The following ARHGAP15 variants were observed in gnomAD, a reference collection of about 807,000 sequenced individuals.
ARHGAP15 encodes rho GTPase-activating protein 15.
ARHGAP15 carries 51 observed loss-of-function variants against 63.7 expected under a neutral mutation model. The observed-to-expected ratio is 0.80, with a 90% CI of 0.64 to 1.01. The LOEUF (loss-of-function observed/expected upper bound fraction) is 1.01, where lower values mean the gene tolerates loss of function less well. Ranked by LOEUF, ARHGAP15 falls within the 50% of genes least tolerant of loss-of-function variation. The pLI is 0.00. For synonymous variants in ARHGAP15, 191 were observed against 193.8 expected, an observed-to-expected ratio of 0.99 and a Z score of 0.12; for missense variants, 560 against 564.6, an observed-to-expected ratio of 0.99 and a Z score of 0.08.
intron 13 of ARHGAP15, among the ~76,000 whole-genome samples, chr2:143,734,917 C>G (rs542930437): frequency 1.4e-4 from 21 of 152,288 alleles, no homozygotes; most frequent in African/African-American, 4.8e-4. Context: ...AATATTCTGA[C>G]TTTATCTGAA....
At chr2:143,683,997 T>A (rs1050177534) in intron 12 of ARHGAP15, among the ~76,000 whole-genome samples, 5 of 152,198 alleles carry the variant, frequency 3.3e-5, no homozygotes, top group Non-Finnish European at 7.4e-5. Context: ...CATTATTTTA[T>A]TATATTGAAG....
intron 13 of ARHGAP15, among the ~76,000 whole-genome samples, chr2:143,721,983 G>A (rs553476053): frequency 1.3e-4 from 20 of 151,520 alleles, no homozygotes; most frequent in East Asian, 9.9e-4. Flanking sequence ...TTAAACTTAT[G>A]TTATGCAAAC....
chr2:143,152,663 C>G (rs1689871595), intron 1 of ARHGAP15, among the ~76,000 whole-genome samples: 1 of 151,930 alleles, frequency 6.6e-6, no homozygotes, highest in Admixed American at 6.6e-5. Context: ...TTTTCTCTAT[C>G]TTCCCAGAGC....
intron 6 of ARHGAP15, among the ~76,000 whole-genome samples, chr2:143,401,421 A>C (rs894866602): frequency 6.6e-6 from 1 of 152,050 alleles, no homozygotes; most frequent in Non-Finnish European, 1.5e-5. Context: ...TTGAAAGGAC[A>C]TCATTCCATG....
At chr2:143,438,684 A>G (rs746766218) in intron 8 of ARHGAP15, among the ~76,000 whole-genome samples, 26 of 152,200 alleles carry the variant, frequency 1.7e-4, no homozygotes, top group Non-Finnish European at 3.1e-4. Context: ...GTTTAGAGGT[A>G]TTTCATTTAA....
chr2:143,451,395 C>G (rs967037539), intron 8 of ARHGAP15, among the ~76,000 whole-genome samples: 1 of 151,792 alleles, frequency 6.6e-6, no homozygotes, highest in Admixed American at 6.6e-5. Context: ...GAAAGTAGCA[C>G]TTCAAGAAGA....
intron 11 of ARHGAP15, among the ~76,000 whole-genome samples, chr2:143,587,286 G>A (rs182047853): frequency 3.9e-5 from 6 of 152,174 alleles, no homozygotes; most frequent in African/African-American, 9.6e-5. Context: ...TGCAGACTTC[G>A]ATTTCTATTT....
At chr2:143,548,664 AT>A (rs943901776) in intron 10 of ARHGAP15, among the ~76,000 whole-genome samples, 2 of 151,980 alleles carry the variant, frequency 1.3e-5, no homozygotes, top group African/African-American at 2.4e-5. Flanking sequence ...AATTAAATAC[AT>A]TTTTTTCAGA....
rs1197458274 is a variant in ARHGAP15, at chr2:143,202,196, AC to A, written c.229del (p.Gln77AsnfsTer2). 32 of 1,610,402 alleles carry A rather than the reference AC, an allele frequency of 2.0e-5. No individual in the cohort carries two copies. Among genetic ancestry groups the A allele is most frequent in the Non-Finnish European group, 2.7e-5 (32 of 1,177,062 alleles). On this transcript the variant is annotated frameshift_variant, in exon 3 of 14. Transcript: ENST00000295095. LOFTEE classifies it high-confidence loss of function. ...ILKDVIPPLE[Q>X]LMVEKEGYLQ... ...TGAAAGATGTCATTCCTCCATTGGAACAACTGGTGAGTGTTTAAGTCATTAT... is the reference window on the plus strand; with the variant it reads ...TGAAAGATGTCATTCCTCCATTGGAAAACTGGTGAGTGTTTAAGTCATTAT...
chr2:143,531,723 C>G (rs1388825674), intron 10 of ARHGAP15, among the ~76,000 whole-genome samples: 1 of 152,108 alleles, frequency 6.6e-6, no homozygotes, highest in East Asian at 1.9e-4. Context: ...ATGAGGAAAA[C>G]AAAGATGACA....
intron 12 of ARHGAP15, among the ~76,000 whole-genome samples, chr2:143,689,209 T>C (rs572776282): frequency 1.7e-4 from 26 of 152,194 alleles, no homozygotes; most frequent in Non-Finnish European, 3.2e-4. Context: ...TGAACTTCAG[T>C]GCAAAATTTA....
At chr2:143,518,354 A>G (rs939189919) in intron 9 of ARHGAP15, among the ~76,000 whole-genome samples, 1 of 152,200 alleles carries the variant, frequency 6.6e-6, no homozygotes, top group African/African-American at 2.4e-5. Context: ...AGCGTCAATC[A>G]TGTTCCAAAT....
intron 13 of ARHGAP15, among the ~76,000 whole-genome samples, chr2:143,751,083 G>A (rs114460790): frequency 0.013 from 1,910 of 152,232 alleles, 23 homozygotes; most frequent in Middle Eastern, 0.051. Context: ...TTAACATGGC[G>A]CCAGTTACCT....
chr2:143,425,088 A>G (rs1689086019), intron 6 of ARHGAP15, among the ~76,000 whole-genome samples: 10 of 152,142 alleles, frequency 6.6e-5, no homozygotes, highest in Admixed American at 6.5e-4. Context: ...TGCTACCAAT[A>G]CATTTTTTAA....
At chr2:143,331,685 TA>T (rs780848433) in intron 6 of ARHGAP15, among the ~76,000 whole-genome samples, 20 of 152,278 alleles carry the variant, frequency 1.3e-4, no homozygotes, top group Admixed American at 6.5e-4. Flanking sequence ...AAAGTGCTCT[TA>T]AGAGGTACAT....
intron 13 of ARHGAP15, chr2:143,706,652 G>A (rs956728981): frequency 2.0e-5 from 3 of 152,150 alleles, no homozygotes; most frequent in African/African-American, 7.2e-5. Context: ...TTAAGCATAA[G>A]GTTGCACAAT....
chr2:143,354,077 A>G (rs1398125100), intron 6 of ARHGAP15, among the ~76,000 whole-genome samples: 1 of 151,970 alleles, frequency 6.6e-6, no homozygotes, highest in Non-Finnish European at 1.5e-5. Context: ...TTCCTTCCTG[A>G]TAAATGGATT....
intron 9 of ARHGAP15, among the ~76,000 whole-genome samples, chr2:143,495,705 ATTGAG>A (rs144658012): frequency 0.3 from 45,069 of 152,014 alleles, 7,559 homozygotes; most frequent in Non-Finnish European, 0.38. Flanking sequence ...TAGCAACATC[ATTGAG>A]TTAAGAGAAA....
intron 10 of ARHGAP15, among the ~76,000 whole-genome samples, chr2:143,536,282 G>C (rs188478799): frequency 1.3e-5 from 2 of 152,078 alleles, no homozygotes; most frequent in African/African-American, 2.4e-5. Flanking sequence ...AATTCCACAT[G>C]TGAGTGAGAT....
Sources: allele counts gnomAD v4.1 joint callset (sites outside exome capture counted in the v4.1 genomes callset), GRCh38; gene constraint gnomAD v4.1.1; transcripts MANE v1.5; gene names NCBI Gene and HGNC (gene_info 2026-07-23, HGNC 2026-07-21).